The following CNTN6 variants were observed in gnomAD, a reference collection of about 807,000 sequenced individuals.
The protein encoded by CNTN6 is contactin-6.
CNTN6 carries 137 observed loss-of-function variants against 122.8 expected under a neutral mutation model. That is an observed-to-expected ratio of 1.12 (90% confidence interval 0.97 to 1.29). CNTN6 has a LOEUF of 1.29. CNTN6 is among the 50% of genes most tolerant of loss of function. The probability of loss-of-function intolerance (pLI) is 0.00; values close to 1 mark genes in which losing one functional copy is unlikely to be tolerated. For synonymous variants in CNTN6, 570 were observed against 426.0 expected, an observed-to-expected ratio of 1.34 and a Z score of -4.16; for missense variants, 1,634 against 1,223.4, an observed-to-expected ratio of 1.34 and a Z score of -5.01.
intron 2 of CNTN6, chr3:1,173,245 G>C (rs142822184): frequency 2.2e-6 from 1 of 456,622 alleles, no homozygotes; most frequent in Non-Finnish European, 4.4e-6. Flanking sequence ...ACTGGACTTC[G>C]TCTCTGGCTT....
At chr3:1,233,016 C>T (rs569875561) in intron 4 of CNTN6, among the ~76,000 whole-genome samples, 6 of 152,246 alleles carry the variant, frequency 3.9e-5, no homozygotes, top group South Asian at 2.1e-4. Flanking sequence ...AGCTAGGGAT[C>T]AGAAATGACT....
intron 5 of CNTN6, among the ~76,000 whole-genome samples, chr3:1,294,428 G>C (rs1695848623): frequency 6.6e-6 from 1 of 152,134 alleles, no homozygotes; most frequent in Admixed American, 6.5e-5. Context: ...AGTAGTGGTT[G>C]CAGCAGTAGA....
intron 1 of CNTN6, among the ~76,000 whole-genome samples, chr3:1,098,150 G>A (rs1007405733): frequency 2.6e-4 from 39 of 152,002 alleles, no homozygotes; most frequent in African/African-American, 8.9e-4. Flanking sequence ...ACGAGTTAGT[G>A]GGTGCAGTGC....
At chr3:1,271,530 G>A (rs1013724326) in intron 4 of CNTN6, among the ~76,000 whole-genome samples, 2 of 152,162 alleles carry the variant, frequency 1.3e-5, no homozygotes, top group African/African-American at 4.8e-5. Context: ...GTATGTGCTG[G>A]TGGGCGGTGC....
intron 1 of CNTN6, among the ~76,000 whole-genome samples, chr3:1,147,377 T>A (rs1294266017): frequency 6.6e-6 from 1 of 152,080 alleles, no homozygotes; most frequent in Non-Finnish European, 1.5e-5. Context: ...TTGTCAAGAT[T>A]AATTGTTGAG....
chr3:1,370,254 C>T (rs1385539641), intron 12 of CNTN6, among the ~76,000 whole-genome samples: 1 of 151,056 alleles, frequency 6.6e-6, no homozygotes, highest in East Asian at 1.9e-4. Flanking sequence ...TATTAGTATA[C>T]TTTAAGTTTT....
At chr3:1,369,090 A>G (rs1708623697) in intron 12 of CNTN6, among the ~76,000 whole-genome samples, 2 of 152,056 alleles carry the variant, frequency 1.3e-5, no homozygotes. Flanking sequence ...TTTTTCACAC[A>G]GTTTCTCTGT....
chr3:1,341,363 G>T (rs569417392), intron 11 of CNTN6, among the ~76,000 whole-genome samples: 1 of 152,006 alleles, frequency 6.6e-6, no homozygotes, highest in East Asian at 1.9e-4. Context: ...ATGCTGCAGC[G>T]AATGGAGACA....
At chr3:1,244,213 C>G (rs1161607832) in intron 4 of CNTN6, among the ~76,000 whole-genome samples, 9 of 151,872 alleles carry the variant, frequency 5.9e-5, no homozygotes, top group Non-Finnish European at 1.0e-4. Context: ...AGCACACAGG[C>G]TAAGGGAGAA....
In CNTN6 at chr3:1,384,762, TATATATACAC is replaced by T. The variant is rs71634786; in HGVS notation, c.2518-841_2518-832del. 4.2e-5 allele frequency among the ~76,000 whole-genome samples: 4 copies of T among 95,478 alleles called. No homozygotes were observed. In the South Asian group the frequency reaches 8.5e-4, roughly 20 times the overall value. The allele number at this position is 95,478 out of a possible 152,430, so 62.6% of individuals were successfully genotyped here. A position where few individuals can be genotyped will look rare whatever the true frequency, so the allele number is the denominator to read the frequency against. On this transcript the variant is annotated intron_variant, in intron 19 of 22. Coordinates refer to ENST00000446702, the MANE Select transcript of CNTN6 (RefSeq NM_001289080.2). ...ATACATATATACACATATATATACATATATATACACATATATATATATATATATATATATA... is the reference window on the plus strand; with the variant it reads ...ATACATATATACACATATATATACATATATATATATATATATATATATATA...
intron 1 of CNTN6, among the ~76,000 whole-genome samples, chr3:1,144,776 A>C (rs1183091242): frequency 6.6e-6 from 1 of 152,010 alleles, no homozygotes; most frequent in African/African-American, 2.4e-5. Context: ...GATGGAATGA[A>C]TCACAGTAAC....
intron 1 of CNTN6, among the ~76,000 whole-genome samples, chr3:1,129,455 G>A (rs1169523840): frequency 6.6e-6 from 1 of 151,996 alleles, no homozygotes; most frequent in Non-Finnish European, 1.5e-5. Context: ...CACAGGCTGG[G>A]GAAAGGTTTG....
chr3:1,095,403 G>A (rs1409252954), intron 1 of CNTN6, among the ~76,000 whole-genome samples: 5 of 152,112 alleles, frequency 3.3e-5, no homozygotes, highest in Admixed American at 6.5e-5. Context: ...CCCGGGAGGC[G>A]GAGCTTGCAG....
chr3:1,260,254 TG>T lies in CNTN6; in HGVS notation c.359-18158del, dbSNP rs2094823436. On this transcript the variant is annotated intron_variant, in intron 4 of 22. Coordinates refer to ENST00000446702, the MANE Select transcript of CNTN6 (RefSeq NM_001289080.2). The stretch of plus-strand genomic sequence containing the variant: ...ATATCAAAAACATTTTTTGTTTGTT[TG>T]TTTTCGGGAGTCAATTGCCTGTGTG... Among the ~76,000 whole-genome samples the T allele has an allele frequency of 9.9e-5, 15 of 152,270 alleles. No homozygotes were observed. The South Asian group carries it at 3.1e-3, about 32-fold the overall frequency.
intron 11 of CNTN6, among the ~76,000 whole-genome samples, chr3:1,347,225 A>ATAG: frequency 6.6e-6 from 1 of 152,212 alleles, no homozygotes; most frequent in African/African-American, 2.4e-5. Flanking sequence ...TATTAGTTGA[A>ATAG]TAGTCATACT....
Position 1,211,905 on chromosome 3 carries a change from T to C in CNTN6, c.56-8782T>C, listed in dbSNP as rs189434087. On this transcript the variant is annotated intron_variant, in intron 2 of 22. Coordinates refer to ENST00000446702, the MANE Select transcript of CNTN6 (RefSeq NM_001289080.2). ...GGCCCAAGGAATGGCCTAAAGCAGATTGAACATGCCTTTAAGGATCTCCAC... is the reference window on the plus strand; with the variant it reads ...GGCCCAAGGAATGGCCTAAAGCAGACTGAACATGCCTTTAAGGATCTCCAC... 1.2e-3 allele frequency among the ~76,000 whole-genome samples: 178 copies of C among 152,260 alleles called. 2 individuals are homozygous for C. Among genetic ancestry groups the C allele is most frequent in the African/African-American group, 4.1e-3 (169 of 41,562 alleles).
chr3:1,392,492 A>G (rs1193341179), intron 20 of CNTN6, among the ~76,000 whole-genome samples: 89 of 151,900 alleles, frequency 5.9e-4, no homozygotes, highest in East Asian at 3.5e-3. Context: ...GGACATAGGC[A>G]TGGGCAAGGA....
intron 4 of CNTN6, among the ~76,000 whole-genome samples, chr3:1,259,307 G>T (rs901011224): frequency 6.6e-6 from 1 of 152,082 alleles, no homozygotes; most frequent in Non-Finnish European, 1.5e-5. Context: ...TTTGAACTCA[G>T]GCTCACTCTA....
intron 4 of CNTN6, among the ~76,000 whole-genome samples, chr3:1,261,259 T>G (rs2094841845): frequency 6.6e-6 from 1 of 152,152 alleles, no homozygotes; most frequent in Non-Finnish European, 1.5e-5. Context: ...ATGGACTATG[T>G]AGTGTATTTA....
Sources: gnomAD v4.1 joint callset for allele counts (sites outside exome capture counted in the v4.1 genomes callset) on GRCh38, gnomAD v4.1.1 for gene constraint, MANE v1.5 for transcripts, NCBI Gene and HGNC (gene_info 2026-07-23, HGNC 2026-07-21) for gene names.